Variants in NYX observed in about 807,000 individuals in gnomAD.
The protein encoded by NYX is nyctalopin, also known as leucine-rich repeat protein.
For missense variants in NYX, 481 were observed against 485.4 expected, an observed-to-expected ratio of 0.99 and a Z score of 0.09; for synonymous variants, 258 against 245.7, an observed-to-expected ratio of 1.05 and a Z score of -0.47.
chrX:41,468,930 C>T (rs939564873), intron 2 of NYX, among the ~76,000 whole-genome samples: 9 of 111,519 alleles, frequency 8.1e-5, no homozygotes, highest in Non-Finnish European at 1.9e-5. Context: ...GCCCTGTTTA[C>T]AGCCAGGCTC....
In NYX at chrX:41,474,804, G is replaced by A; in HGVS notation, c.1336G>A (p.Val446Met). 8.3e-7 allele frequency: 1 copy of A among 1,202,884 alleles called. No homozygotes were observed. Among genetic ancestry groups the A allele is most frequent in the Non-Finnish European group, 1.1e-6 (1 of 891,764 alleles). The change falls in exon 3 of 3, where the codon GTG (valine) becomes ATG (methionine). Residue 446 changes from valine (V) to methionine (M), a missense_variant. By Grantham distance (21) the Val-to-Met change is conservative. Transcript: ENST00000378220. ...SLSDSLSSRG[V>M]GGAGRQPWFL... Reference sequence around the variant, plus strand: ...GTCCGACAGCCTCTCCTCCCGTGGGGTGGGAGGCGCGGGCCGGCAGCCCTG... The same window carrying A: ...GTCCGACAGCCTCTCCTCCCGTGGGATGGGAGGCGCGGGCCGGCAGCCCTG...
At chrX:41,457,439 G>A (rs2859023) in intron 2 of NYX, among the ~76,000 whole-genome samples, 41 of 110,345 alleles carry the variant, frequency 3.7e-4, no homozygotes, top group African/African-American at 1.3e-3. Flanking sequence ...CTTGCTCTTG[G>A]ATTTGCCAGC....
Position 41,473,579 on chromosome X carries a change from C to T in NYX, c.111C>T (p.Arg37=). The change falls in exon 3 of 3, where the codon CGC becomes CGT. Residue 37 remains arginine, a synonymous_variant. Transcript: ENST00000378220. The part of the protein sequence containing the change: ...PAACACSTVE[R]GCSVRCDRAG... The stretch of plus-strand genomic sequence containing the variant: ...CCTGCGCCTGCAGCACCGTGGAGCG[C>T]GGCTGCTCGGTGCGCTGCGACCGCG... 9.9e-7 allele frequency: 1 copy of T among 1,011,064 alleles called. No homozygotes were observed. Among genetic ancestry groups the T allele is most frequent in the Non-Finnish European group, 1.3e-6 (1 of 796,586 alleles). The allele number at this position is 1,011,064 out of a possible 1,213,427, so 83.3% of individuals were successfully genotyped here. A position where few individuals can be genotyped will look rare whatever the true frequency, so the allele number is the denominator to read the frequency against.
At chrX:41,466,011 C>T (rs2064336764) in intron 2 of NYX, among the ~76,000 whole-genome samples, 1 of 111,541 alleles carries the variant, frequency 9.0e-6, no homozygotes, top group Non-Finnish European at 1.9e-5. Flanking sequence ...TCTTTTGAGG[C>T]TCCCTTTTTC....
intron 2 of NYX, among the ~76,000 whole-genome samples, chrX:41,452,440 C>T (rs1285231944): frequency 9.0e-6 from 1 of 111,687 alleles, no homozygotes; most frequent in Non-Finnish European, 1.9e-5. Flanking sequence ...AGAAAAAATG[C>T]TTCACTGTCC....
intron 2 of NYX, among the ~76,000 whole-genome samples, chrX:41,453,207 G>A (rs2064287000): frequency 9.0e-6 from 1 of 111,566 alleles, no homozygotes; most frequent in Admixed American, 9.6e-5. Context: ...AAAAGCCGAG[G>A]GCTTAGGAAA....
rs746499868 is a variant in NYX, at chrX:41,451,600, G to A, written c.22+3674G>A. Among the ~76,000 whole-genome samples, 12 of 110,211 alleles carry A rather than the reference G, an allele frequency of 1.1e-4. No individual in the cohort carries two copies. The South Asian group carries it at 3.1e-3, about 29-fold the overall frequency. On this transcript the variant is annotated intron_variant, in intron 2 of 2. Coordinates refer to ENST00000378220, the MANE Select transcript of NYX (RefSeq NM_001378477.3). Reference sequence around the variant, plus strand: ...GTGATCTTGGCTCACTGCAACCTCCGCCTCCCGGGTTCACGTGATTCTCGT... The same window carrying A: ...GTGATCTTGGCTCACTGCAACCTCCACCTCCCGGGTTCACGTGATTCTCGT...
At position 41,475,053 on chromosome X, in the gene NYX, G is replaced by T; in HGVS notation, c.*154G>T. The T allele has an allele frequency of 3.9e-6, 2 of 508,426 alleles. No individual in the cohort carries two copies. The highest frequency in any genetic ancestry group is 6.8e-6 in the Non-Finnish European group (2 of 292,434). 41.9% of individuals were successfully genotyped at this position (508,426 alleles called of 1,213,427 possible). Reference sequence around the variant, plus strand: ...ATGGCCCCAGGGAGAACACAGGGACGTGCCACTCGAGGGGGAGGATGGTAT... The same window carrying T: ...ATGGCCCCAGGGAGAACACAGGGACTTGCCACTCGAGGGGGAGGATGGTAT... On this transcript the variant is annotated 3_prime_UTR_variant, in exon 3 of 3. Transcript: ENST00000378220.
At position 41,450,970 on chromosome X, in the gene NYX, G is replaced by A. The variant is rs998070781; in HGVS notation, c.22+3044G>A. Among the ~76,000 whole-genome samples, 84 of 106,224 alleles carry A rather than the reference G, an allele frequency of 7.9e-4. 3 individuals are homozygous for A. The highest frequency in any genetic ancestry group is 1.5e-4 in the Non-Finnish European group (8 of 51,666). 92.2% of individuals were successfully genotyped at this position (106,224 alleles called of 115,157 possible). A position where few individuals can be genotyped will look rare whatever the true frequency, so the allele number is the denominator to read the frequency against. The stretch of plus-strand genomic sequence containing the variant: ...CAAAGTGCTGGGATTACAGGTGTGA[G>A]CCACCACGCCCAGCCATAATTTTTG... On this transcript the variant is annotated intron_variant, in intron 2 of 2. Coordinates refer to ENST00000378220, the MANE Select transcript of NYX (RefSeq NM_001378477.3).
intron 2 of NYX, among the ~76,000 whole-genome samples, 165 bp downstream of exon 2, chrX:41,448,091 G>C (rs1278622295): frequency 1.8e-5 from 2 of 111,421 alleles, no homozygotes; most frequent in African/African-American, 6.5e-5. Context: ...GAGAAAGCAA[G>C]AAAACAGCAG....
rs1471031943 is a variant in NYX at position 41,474,104 on chromosome X, C to G, written c.636C>G (p.Arg212=). 2.7e-6 allele frequency: 3 copies of G among 1,110,442 alleles called. No individual in the cohort carries two copies. The South Asian group carries it at 6.5e-5, about 24-fold the overall frequency. The allele number at this position is 1,110,442 out of a possible 1,213,427, so 91.5% of individuals were successfully genotyped here. The change falls in exon 3 of 3, where the codon CGC becomes CGG. Residue 212 remains arginine, a synonymous_variant. Transcript: ENST00000378220. ...RLRSLSLQAN[R]VRAVHAGAFG... is the part of the protein sequence containing the mutation. ...GCTCGCTCAGCCTGCAGGCCAACCG[C>G]GTCCGTGCCGTGCACGCTGGCGCCT...
chrX:41,470,477 T>C (rs1410466317), intron 2 of NYX, among the ~76,000 whole-genome samples: 2 of 110,953 alleles, frequency 1.8e-5, no homozygotes, highest in Admixed American at 9.7e-5. Flanking sequence ...GCGGATCAAC[T>C]GAGGTCAGGA....
chrX:41,467,489 G>A (rs777164933), intron 2 of NYX, among the ~76,000 whole-genome samples: 54 of 110,251 alleles, frequency 4.9e-4, no homozygotes, highest in African/African-American at 1.7e-3. Flanking sequence ...GAGTAGCTGG[G>A]ATTACAGGCG....
intron 2 of NYX, among the ~76,000 whole-genome samples, chrX:41,466,564 T>C (rs1440269863): frequency 9.3e-6 from 1 of 107,469 alleles, no homozygotes; most frequent in African/African-American, 3.4e-5. Context: ...TAAAACAATT[T>C]TTTTTTTTTT....
chrX:41,452,321 A>C (rs1057209143), intron 2 of NYX, among the ~76,000 whole-genome samples: 2 of 111,090 alleles, frequency 1.8e-5, no homozygotes, highest in Non-Finnish European at 3.8e-5. Flanking sequence ...TACTTACTGA[A>C]CTGCACGCTT....
At position 41,464,670 on chromosome X, in the gene NYX, C is replaced by CATGTGTGTGTGTGTGT. The variant is rs779597303; in HGVS notation, c.23-8821_23-8820insATGTGTGTGTGTGTGT. Among the ~76,000 whole-genome samples the CATGTGTGTGTGTGTGT allele has an allele frequency of 1.5e-3, 153 of 101,839 alleles. 1 individual carries two copies. The highest frequency in any genetic ancestry group is 5.1e-3 in the African/African-American group (142 of 27,999). 88.4% of individuals were successfully genotyped at this position (101,839 alleles called of 115,157 possible). ...CTATCTTTGGCTATGATGGGCCGTG[C>CATGTGTGTGTGTGTGT]GTGTGTGTGTGTGTGTGTGTGTGTG... On this transcript the variant is annotated intron_variant, in intron 2 of 2. Transcript: ENST00000378220.
chrX:41,464,055 T>A (rs1230166179), intron 2 of NYX, among the ~76,000 whole-genome samples: 1 of 111,855 alleles, frequency 8.9e-6, no homozygotes, highest in Non-Finnish European at 1.9e-5. Flanking sequence ...CTATTGCCCT[T>A]CATTTCTGAA....
chrX:41,465,200 T>C (rs1460280375), intron 2 of NYX, among the ~76,000 whole-genome samples: 2 of 110,681 alleles, frequency 1.8e-5, no homozygotes, highest in Non-Finnish European at 3.8e-5. Context: ...GTTTTTTTTT[T>C]CCTTCTTGAC....
chrX:41,449,319 G>C (rs746613166), intron 2 of NYX, among the ~76,000 whole-genome samples: 9 of 111,640 alleles, frequency 8.1e-5, no homozygotes, highest in Admixed American at 9.7e-5. Context: ...AACTTGCTCT[G>C]TTCAGTCAAC....
Sources: gnomAD v4.1 joint callset for allele counts (sites outside exome capture counted in the v4.1 genomes callset) on GRCh38, gnomAD v4.1.1 for gene constraint, MANE v1.5 for transcripts, NCBI Gene and HGNC (gene_info 2026-07-23, HGNC 2026-07-21) for gene names.